The following GRB10 variants were observed in gnomAD, a reference collection of about 807,000 sequenced individuals.
GRB10 encodes the protein growth factor receptor-bound protein 10.
GRB10 carries 20 observed loss-of-function variants against 80.9 expected under a neutral mutation model. The ratio of observed to expected loss-of-function variants is 0.25; its 90% confidence interval spans 0.17 to 0.36. The LOEUF (loss-of-function observed/expected upper bound fraction) is 0.36. Among genes scored for constraint, GRB10 ranks in the 10% least tolerant of loss-of-function variants. The probability of loss-of-function intolerance (pLI) is 1.00; values close to 1 mark genes in which losing one functional copy is unlikely to be tolerated. For missense variants in GRB10, 548 were observed against 747.7 expected (o/e 0.73, Z 3.12); for synonymous variants, 291 against 291.5 (o/e 1.00, Z 0.02).
At chr7:50,619,847 A>G (rs2051356456) in intron 8 of GRB10, among the ~76,000 whole-genome samples, 1 of 152,208 alleles carries the variant, frequency 6.6e-6, no homozygotes, top group South Asian at 2.1e-4. Flanking sequence ...ACATCATGGA[A>G]TAGTTCTTGT....
rs975781454 is a variant in GRB10, at chr7:50,705,289, AG to A, written c.52-1382del. On this transcript the variant is annotated intron_variant, in intron 4 of 18. Transcript: ENST00000401949. The stretch of plus-strand genomic sequence containing the variant: ...AGAAGGAGGATGTTTGTTCCCTGGG[AG>A]GCAAAGTTGCGTTCACACCTTCCTC... The A allele has an allele frequency of 1.8e-4, 173 of 985,832 alleles. No homozygotes were observed. The African/African-American group carries it at 2.8e-3, about 16-fold the overall frequency. The allele number at this position is 985,832 out of a possible 1,614,324, so 61.1% of individuals were successfully genotyped here.
intron 2 of GRB10, among the ~76,000 whole-genome samples, chr7:50,775,819 C>T (rs2153711290): frequency 6.6e-6 from 1 of 152,348 alleles, no homozygotes; most frequent in Admixed American, 6.5e-5. Flanking sequence ...AGGCTTATGC[C>T]CTGTGCCTTC....
At chr7:50,616,923 G>A (rs951852178) in intron 10 of GRB10, among the ~76,000 whole-genome samples, 21 of 152,248 alleles carry the variant, frequency 1.4e-4, no homozygotes, top group Admixed American at 6.5e-5. Flanking sequence ...GCCAGGTCAT[G>A]GAGCGAAGTT....
chr7:50,669,668 T>C (rs1325787331), intron 7 of GRB10, 54 bp downstream of exon 7: 3 of 1,544,302 alleles, frequency 1.9e-6, no homozygotes, highest in East Asian at 2.2e-5. Context: ...TCTGTGCAGA[T>C]CCCAATAATC....
chr7:50,705,142 G>T, intron 4 of GRB10: 1 of 985,454 alleles, frequency 1.0e-6, no homozygotes, highest in Non-Finnish European at 1.2e-6. Flanking sequence ...ACACTGACCT[G>T]GGAGCAAACA....
intron 1 of GRB10, among the ~76,000 whole-genome samples, chr7:50,790,532 C>T (rs1171119011): frequency 6.6e-6 from 1 of 152,272 alleles, no homozygotes; most frequent in Admixed American, 6.5e-5. Context: ...GAAACAGACG[C>T]GGGGATTACG....
At chr7:50,732,223 C>T (rs779530276) in intron 4 of GRB10, 49 bp downstream of exon 4, 5 of 1,591,874 alleles carry the variant, frequency 3.1e-6, no homozygotes, top group South Asian at 1.1e-5. Context: ...TGCCCTGGCC[C>T]TCGACCAGCA....
intron 1 of GRB10, among the ~76,000 whole-genome samples, chr7:50,789,946 C>T (rs960578208): frequency 2.0e-5 from 3 of 152,086 alleles, no homozygotes; most frequent in African/African-American, 4.8e-5. Flanking sequence ...CACGAGTAAG[C>T]GGGTGGTTTT....
chr7:50,725,383 A>G (rs1293115647), intron 4 of GRB10, among the ~76,000 whole-genome samples: 1 of 152,166 alleles, frequency 6.6e-6, no homozygotes, highest in Non-Finnish European at 1.5e-5. Flanking sequence ...CAGGCTGCGG[A>G]ACTATGAGTC....
intron 5 of GRB10, among the ~76,000 whole-genome samples, chr7:50,694,392 A>G (rs1325801024): frequency 6.6e-6 from 1 of 152,204 alleles, no homozygotes; most frequent in African/African-American, 2.4e-5. Flanking sequence ...TACCAATACA[A>G]GAGTAGGGGG....
rs561910142 is a variant in GRB10 at position 50,772,427 on chromosome 7, A to T, written c.-217+8200T>A. Among the ~76,000 whole-genome samples the T allele has an allele frequency of 2.6e-5, 4 of 152,358 alleles. No homozygotes were observed. In the South Asian group the frequency reaches 8.3e-4, roughly 32 times the overall value. On this transcript the variant is annotated intron_variant, in intron 2 of 18. Transcript: ENST00000401949. ...CCGAAACATTCCACCAAGGCAAGGG[A>T]ATTAAATATCTGTTAATGTCTGTTA... is the stretch of plus-strand genomic sequence containing the variant.
rs544169209 is a variant in GRB10, at chr7:50,754,445, G to A, written c.-47+1442C>T. Among the ~76,000 whole-genome samples the A allele has an allele frequency of 8.5e-5, 13 of 152,290 alleles. No homozygotes were observed. In the South Asian group the frequency reaches 1.7e-3, roughly 19 times the overall value. On this transcript the variant is annotated intron_variant, in intron 3 of 18. Transcript: ENST00000401949. ...GGCAGTGGCAGGTGGGGGAGGTCAC[G>A]GTTCATGCATGACCAGGGCGGGAGC...
At chr7:50,628,161 G>C (rs1171161918) in intron 7 of GRB10, among the ~76,000 whole-genome samples, 1 of 152,252 alleles carries the variant, frequency 6.6e-6, no homozygotes, top group Non-Finnish European at 1.5e-5. Flanking sequence ...CACACAGGCA[G>C]CTGAGAGGCT....
At chr7:50,745,797 T>A (rs1165176437) in intron 3 of GRB10, among the ~76,000 whole-genome samples, 4 of 152,212 alleles carry the variant, frequency 2.6e-5, no homozygotes, top group Non-Finnish European at 5.9e-5. Flanking sequence ...ACAGAAGACA[T>A]CTTTTTACCT....
intron 1 of GRB10, chr7:50,781,064 A>C (rs2078220176): frequency 6.6e-6 from 1 of 152,212 alleles, no homozygotes; most frequent in Admixed American, 6.5e-5. Flanking sequence ...CCTTCATGCC[A>C]ATCGTGCAAT....
chr7:50,650,079 G>A (rs2057812847), intron 7 of GRB10, among the ~76,000 whole-genome samples: 1 of 152,110 alleles, frequency 6.6e-6, no homozygotes, highest in Admixed American at 6.5e-5. Context: ...AGGCTTGCGG[G>A]CCTCCAAACA....
chr7:50,617,928 A>C lies in GRB10; in HGVS notation c.846+143T>G, dbSNP rs2240498. On this transcript the variant is annotated intron_variant, in intron 10 of 18. Coordinates refer to ENST00000401949, the MANE Select transcript of GRB10 (RefSeq NM_001350814.2). ...TCTGGTTACTCTAAACCCTCCCCCC[A>C]ACCACCCCTCCGGCTTAAGAGCCAA... 254,011 of 756,358 alleles carry C rather than the reference A, an allele frequency of 0.34. 49,492 individuals carry two copies. The highest frequency in any genetic ancestry group is 0.73 in the African/African-American group (42,143 of 57,522). The allele number at this position is 756,358 out of a possible 1,614,324, so 46.9% of individuals were successfully genotyped here.
chr7:50,792,165 T>C (rs1275243939), intron 1 of GRB10, among the ~76,000 whole-genome samples: 13 of 152,212 alleles, frequency 8.5e-5, no homozygotes, highest in Non-Finnish European at 1.6e-4. Context: ...CCTGGCCTTT[T>C]AAACAGCAGC....
chr7:50,628,841 GA>G (rs1469432128), intron 7 of GRB10, among the ~76,000 whole-genome samples: 1 of 152,122 alleles, frequency 6.6e-6, no homozygotes, highest in Non-Finnish European at 1.5e-5. Context: ...GTCACTCAAT[GA>G]AAGTATACTT....
Sources: allele counts gnomAD v4.1 joint callset (sites outside exome capture counted in the v4.1 genomes callset), GRCh38; gene constraint gnomAD v4.1.1; transcripts MANE v1.5; gene names NCBI Gene and HGNC (gene_info 2026-07-23, HGNC 2026-07-21).